DNAH8: variants seen among roughly 807,000 people sequenced by gnomAD.
DNAH8 encodes the protein axonemal beta dynein heavy chain 8.
DNAH8 carries 382 observed loss-of-function variants against 562.1 expected under a neutral mutation model. The ratio of observed to expected loss-of-function variants is 0.68; its 90% CI spans 0.63 to 0.74. DNAH8 has a LOEUF of 0.74. Among genes scored for constraint, DNAH8 ranks in the 30% least tolerant of loss-of-function variants. The pLI is 0.00. For missense variants in DNAH8, 5,203 were observed against 5,620.4 expected (o/e 0.93, Z 2.37); for synonymous variants, 1,881 against 1,919.4 (o/e 0.98, Z 0.52).
chr6:38,899,507 A>AAC (rs1270860311), intron 61 of DNAH8, among the ~76,000 whole-genome samples: 3 of 152,258 alleles, frequency 2.0e-5, no homozygotes, highest in Non-Finnish European at 2.9e-5. Flanking sequence ...CACACGCATG[A>AAC]ACACACACAC....
chr6:38,919,458 A>T (rs1365757831), intron 70 of DNAH8, among the ~76,000 whole-genome samples: 2 of 152,142 alleles, frequency 1.3e-5, no homozygotes, highest in Non-Finnish European at 2.9e-5. Flanking sequence ...TTCATTTTGC[A>T]CTGGGCCCTG....
chr6:38,867,473 C>T (rs897717901), intron 47 of DNAH8, among the ~76,000 whole-genome samples: 3 of 151,850 alleles, frequency 2.0e-5, no homozygotes, highest in Admixed American at 6.6e-5. Flanking sequence ...GGCCGGGTGC[C>T]GTGGCTCACG....
At chr6:38,876,608 C>T (rs1040318712) in intron 53 of DNAH8, among the ~76,000 whole-genome samples, 4 of 152,064 alleles carry the variant, frequency 2.6e-5, no homozygotes, top group African/African-American at 9.7e-5. Flanking sequence ...AATTGAGAAG[C>T]GCACGTCACA....
rs546482834 is a variant in DNAH8 at position 38,903,772 on chromosome 6, T to G, written c.9195-2482T>G. On this transcript the variant is annotated intron_variant, in intron 62 of 92. Coordinates refer to ENST00000327475, the MANE Select transcript of DNAH8 (RefSeq NM_001206927.2). ...GATTACAGGCGAGCACCACCACGCCTGGCTCATTTTTGTATTTTTAGTAGA... is the reference window on the plus strand; with the variant it reads ...GATTACAGGCGAGCACCACCACGCCGGGCTCATTTTTGTATTTTTAGTAGA... Among the ~76,000 whole-genome samples, 5 of 151,942 alleles carry G rather than the reference T, an allele frequency of 3.3e-5. No individual in the cohort carries two copies. In the South Asian group the frequency reaches 1.0e-3, roughly 32 times the overall value.
In DNAH8 at chr6:38,971,656, A is replaced by G; in HGVS notation, c.12516A>G (p.Ser4172=). 1 of 1,600,518 alleles carries G rather than the reference A, an allele frequency of 6.2e-7. No individual in the cohort carries two copies. The change falls in exon 83 of 93, where the codon TCA becomes TCG. Residue 4172 remains serine (S), a synonymous_variant. Coordinates refer to ENST00000327475, the MANE Select transcript of DNAH8 (RefSeq NM_001206927.2). ...EVHARKLIQM[S]MQQGGWVLLQ... ...ATGCTCGAAAGCTGATTCAGATGTC[A>G]ATGCAGCAGGTATGTGACAAGAGAC...
chr6:38,795,581 G>GAAAA (rs1554212768), intron 21 of DNAH8, among the ~76,000 whole-genome samples: 1 of 128,006 alleles, frequency 7.8e-6, no homozygotes, highest in Non-Finnish European at 1.7e-5. Context: ...CTGTGTCTCA[G>GAAAA]AAAAAAAAAA....
At chr6:38,780,809 C>T (rs1443370925) in intron 15 of DNAH8, among the ~76,000 whole-genome samples, 1 of 151,978 alleles carries the variant, frequency 6.6e-6, no homozygotes, top group Admixed American at 6.6e-5. Flanking sequence ...ATATAACAAA[C>T]AAACAAACAA....
intron 57 of DNAH8, among the ~76,000 whole-genome samples, chr6:38,889,110 C>T (rs373317516): frequency 2.0e-5 from 3 of 152,150 alleles, no homozygotes; most frequent in South Asian, 2.1e-4. Context: ...ATGGCAAAAA[C>T]GTGAAATAAT....
chr6:38,980,321 C>T (rs905479281), intron 85 of DNAH8, among the ~76,000 whole-genome samples: 1 of 152,090 alleles, frequency 6.6e-6, no homozygotes, highest in Non-Finnish European at 1.5e-5. Flanking sequence ...TTAAAAAACC[C>T]ACAAAACAAA....
intron 10 of DNAH8, among the ~76,000 whole-genome samples, chr6:38,759,237 G>C (rs1473222036): frequency 6.6e-6 from 1 of 152,098 alleles, no homozygotes; most frequent in African/African-American, 2.4e-5. Context: ...GAGCCTGGGA[G>C]TTCAAGAATG....
intron 79 of DNAH8, among the ~76,000 whole-genome samples, chr6:38,941,411 A>T (rs1270399705): frequency 6.6e-6 from 1 of 152,222 alleles, no homozygotes; most frequent in Non-Finnish European, 1.5e-5. Flanking sequence ...ATTTTGCATC[A>T]TCTCTGAAAT....
At chr6:38,961,889 A>G (rs1199789490) in intron 82 of DNAH8, among the ~76,000 whole-genome samples, 3 of 152,000 alleles carry the variant, frequency 2.0e-5, no homozygotes, top group African/African-American at 7.2e-5. Context: ...GAGGGACAAA[A>G]TCAACATTAT....
chr6:38,811,921 C>T (rs758198087), intron 24 of DNAH8, among the ~76,000 whole-genome samples: 2 of 152,098 alleles, frequency 1.3e-5, no homozygotes, highest in Non-Finnish European at 2.9e-5. Flanking sequence ...GGGGGTATGG[C>T]AGGTTTGGCT....
intron 72 of DNAH8, 127 bp from the exon 73 acceptor site, chr6:38,923,864 T>TG: frequency 9.2e-7 from 1 of 1,087,318 alleles, no homozygotes; most frequent in South Asian, 1.4e-5. Context: ...TTTCCATGCC[T>TG]GGCTACCAAG....
intron 82 of DNAH8, among the ~76,000 whole-genome samples, chr6:38,951,941 A>T (rs1583442577): frequency 6.6e-6 from 1 of 152,206 alleles, no homozygotes; most frequent in African/African-American, 2.4e-5. Flanking sequence ...TAATTATTTC[A>T]TTGCTTTCAC....
chr6:38,867,770 A>C (rs1024475573), intron 47 of DNAH8, among the ~76,000 whole-genome samples: 2 of 145,902 alleles, frequency 1.4e-5, no homozygotes, highest in African/African-American at 2.5e-5. Flanking sequence ...AAAAAAAAAA[A>C]AACAAAAAAG....
At chr6:38,885,240 A>G (rs1778834875) in intron 56 of DNAH8, among the ~76,000 whole-genome samples, 1 of 152,052 alleles carries the variant, frequency 6.6e-6, no homozygotes, top group South Asian at 2.1e-4. Context: ...AACACCTCCA[A>G]CACCTGCTCC....
Position 38,822,906 on chromosome 6 carries a change from G to A in DNAH8, c.3592G>A (p.Asp1198Asn), listed in dbSNP as rs778934081. 4.3e-6 allele frequency: 7 copies of A among 1,612,826 alleles called. No homozygotes were observed. In the South Asian group the frequency reaches 6.6e-5, roughly 15 times the overall value. ...NFYPGVAEHKDISKLVLLLSS... is the reference protein window; with the variant it reads ...NFYPGVAEHKNISKLVLLLSS... ...TTACCCGGGGGTAGCGGAGCACAAG[G>A]ATATTTCTAAGTTGGTCCTGCTCCT... Residue 1198 changes from aspartate to asparagine, a missense_variant, in exon 27 of 93, where the codon GAT (aspartate) becomes AAT (asparagine). By Grantham distance (23) the Asp-to-Asn change is conservative. Around this residue, in one of 6 missense-constraint regions of DNAH8, gnomAD observed 2,176 missense variants for 2,365.1 expected, o/e 0.92. Transcript: ENST00000327475.
intron 82 of DNAH8, among the ~76,000 whole-genome samples, chr6:38,955,541 GAA>G (rs998465804): frequency 3.9e-5 from 6 of 152,056 alleles, no homozygotes; most frequent in Admixed American, 1.3e-4. Flanking sequence ...TGAGACATGA[GAA>G]TAGCTTGAAC....
Sources: allele counts gnomAD v4.1 joint callset (sites outside exome capture counted in the v4.1 genomes callset), GRCh38; gene constraint gnomAD v4.1.1; regional missense constraint gnomAD v4.1.1; transcripts MANE v1.5; gene names NCBI Gene and HGNC (gene_info 2026-07-23, HGNC 2026-07-21).